The following TNRC18 variants were observed in gnomAD, a reference collection of about 807,000 sequenced individuals.
TNRC18 encodes trinucleotide repeat-containing gene 18 protein.
A neutral mutation model predicts 226.7 loss-of-function variants in TNRC18; 69 were observed. The ratio of observed to expected loss-of-function variants is 0.30; its 90% CI spans 0.25 to 0.37. The LOEUF (loss-of-function observed/expected upper bound fraction) is 0.37, where lower values mean the gene tolerates loss of function less well. Among genes scored for constraint, TNRC18 ranks in the 10% least tolerant of loss-of-function variants. The pLI, the probability that TNRC18 is intolerant of heterozygous loss-of-function variation, is 1.00. For synonymous variants in TNRC18, 2,449 were observed against 1,927.6 expected (o/e 1.27, Z -7.09); for missense variants, 4,754 against 4,256.6 (o/e 1.12, Z -3.25).
rs754143983 is a variant in TNRC18 at position 5,389,461 on chromosome 7, G to GTTTTTTTTT, written c.488-134_488-126dup. 1.5e-4 allele frequency: 85 copies of GTTTTTTTTT among 565,540 alleles called. 2 individuals are homozygous for GTTTTTTTTT. In the African/African-American group the frequency reaches 1.8e-3, roughly 12 times the overall value. 35.0% of individuals were successfully genotyped at this position (565,540 alleles called of 1,614,324 possible). ...TGCCTCCCCCAGTGTTTTGGTTTTG[G>GTTTTTTTTT]TTTTTTTTTTCAGAAAGAGTCTCGC... On this transcript the variant is annotated intron_variant, in intron 4 of 29. Transcript: ENST00000430969.
Position 5,371,186 on chromosome 7 carries a change from G to T in TNRC18, c.3408C>A (p.Ser1136=). ...GCAGCGGCTCTGTGATCTTGGAGGG[G>T]GACAAGCGGATGGGCTTGTCTTCGG... ...LSPEDKPIRL[S]PSKITEPLRE... is the part of the protein sequence containing the mutation. The change falls in exon 11 of 30, where the codon TCC becomes TCA. Residue 1136 remains serine (S), a synonymous_variant. Transcript: ENST00000430969. The T allele has an allele frequency of 6.2e-7, 1 of 1,605,454 alleles. No individual in the cohort carries two copies. Among genetic ancestry groups the T allele is most frequent in the South Asian group, 1.1e-5 (1 of 90,684 alleles).
Position 5,377,320 on chromosome 7 carries a change from C to CCCA in TNRC18, c.2461+50_2461+51insTGG. 3.8e-6 allele frequency: 4 copies of CCCA among 1,049,588 alleles called. No individual in the cohort carries two copies. The highest frequency in any genetic ancestry group is 2.6e-5 in the East Asian group (1 of 38,010). 65.0% of individuals were successfully genotyped at this position (1,049,588 alleles called of 1,614,324 possible). On this transcript the variant is annotated intron_variant, in intron 7 of 29. Transcript: ENST00000430969. This position sits in a 1 kb window ranked among gnomAD's most constrained non-coding sequence, Gnocchi z 5.8. ...CTGAGCTCTTGTCCTGCACCCGCCC[C>CCCA]CTCCCACCCCTCCCTCAGAGAAGGG... is the stretch of plus-strand genomic sequence containing the variant.
chr7:5,321,092 T>C lies in TNRC18; in HGVS notation c.6541A>G (p.Thr2181Ala). Residue 2181 changes from threonine to alanine, a missense_variant, in exon 22 of 30, where the codon ACC (threonine) becomes GCC (alanine). Coordinates refer to ENST00000430969, the MANE Select transcript of TNRC18 (RefSeq NM_001080495.3). Reference protein sequence around the residue: ...DKLLYAGHVQTVHSPDIYRVV... With the variant: ...DKLLYAGHVQAVHSPDIYRVV... ...ACTCACATGTCTGGCGAGTGCACGG[T>C]CTGCACGTGCCCGGCGTACAGCAGC... 6.4e-7 allele frequency: 1 copy of C among 1,551,748 alleles called. No individual in the cohort carries two copies. Among genetic ancestry groups the C allele is most frequent in the South Asian group, 1.2e-5 (1 of 84,078 alleles).
intron 26 of TNRC18, among the ~76,000 whole-genome samples, chr7:5,314,189 C>T (rs943127937): frequency 6.6e-6 from 1 of 151,186 alleles, no homozygotes; most frequent in Admixed American, 6.6e-5. Flanking sequence ...CCAGGCTGGT[C>T]TTAAACTCCT....
chr7:5,378,105 T>A, intron 5 of TNRC18, 81 bp from the exon 6 acceptor site: 1 of 1,166,222 alleles, frequency 8.6e-7, no homozygotes, highest in East Asian at 2.5e-5. Context: ...CCCTCACCCC[T>A]CCCTGGGCCC....
chr7:5,339,604 A>G lies in TNRC18; in HGVS notation c.5719+5958T>C, dbSNP rs1486700755. 3.4e-5 allele frequency among the ~76,000 whole-genome samples: 5 copies of G among 148,018 alleles called. No homozygotes were observed. In the South Asian group the frequency reaches 1.1e-3, roughly 32 times the overall value. On this transcript the variant is annotated intron_variant, in intron 18 of 29. Transcript: ENST00000430969. ...TTTTCGACAGAGTGTCGCTCTTGTC[A>G]CCCAGGATGGAGGGCAGTGCAATGG...
chr7:5,404,763 A>AGTGTGTGTGTGTGTGTCT (rs1781352077), intron 2 of TNRC18, among the ~76,000 whole-genome samples: 1 of 147,122 alleles, frequency 6.8e-6, no homozygotes, highest in African/African-American at 2.5e-5. Flanking sequence ...GCACACTTTC[A>AGTGTGTGTGTGTGTGTCT]GTGTGTGTGT....
At chr7:5,316,809 G>C (rs1326967621) in intron 24 of TNRC18, among the ~76,000 whole-genome samples, 1 of 152,180 alleles carries the variant, frequency 6.6e-6, no homozygotes, top group Non-Finnish European at 1.5e-5. Context: ...CCTAGGAGGA[G>C]GTGATACCCA....
chr7:5,321,190 G>A lies in TNRC18; in HGVS notation c.6443C>T (p.Ala2148Val), dbSNP rs1219036645. The change falls in exon 22 of 30, where the codon GCC becomes GTC. Residue 2148 changes from alanine to valine, a missense_variant and splice_region_variant. Coordinates refer to ENST00000430969, the MANE Select transcript of TNRC18 (RefSeq NM_001080495.3). ...CTTGTCGATGATGCAGGAGCGAGGG[G>A]CTGCAGGGGTTGGATCGTGAGGCGA... ...GGAVERPLTP[A>V]PRSCIIDKDE... 2 of 1,541,108 alleles carry A rather than the reference G, an allele frequency of 1.3e-6. No individual in the cohort carries two copies. The highest frequency in any genetic ancestry group is 1.8e-6 in the Non-Finnish European group (2 of 1,140,570).
chr7:5,329,201 G>A (rs1312498046), intron 19 of TNRC18, among the ~76,000 whole-genome samples: 1 of 151,968 alleles, frequency 6.6e-6, no homozygotes, highest in Admixed American at 6.6e-5. Flanking sequence ...TACTCGGGAG[G>A]CTGAGGCAAG....
chr7:5,338,675 T>A (rs1261232403), intron 18 of TNRC18, among the ~76,000 whole-genome samples: 6 of 144,708 alleles, frequency 4.1e-5, no homozygotes, highest in Non-Finnish European at 7.5e-5. Context: ...AATCCCAGCA[T>A]TTTGGGAGGC....
intron 18 of TNRC18, among the ~76,000 whole-genome samples, chr7:5,341,089 T>C (rs972700008): frequency 1.3e-5 from 2 of 151,980 alleles, no homozygotes; most frequent in African/African-American, 4.8e-5. Context: ...TTAAGAATGA[T>C]GCTAAATCTC....
intron 14 of TNRC18, 84 bp downstream of exon 14, chr7:5,361,510 C>G: frequency 2.1e-6 from 3 of 1,408,008 alleles, no homozygotes; most frequent in Non-Finnish European, 2.8e-6. Context: ...TCCCCCAGCA[C>G]CCCGAGGCAG....
intron 5 of TNRC18, 74 bp downstream of exon 5, chr7:5,387,598 C>T (rs938274394): frequency 4.5e-6 from 7 of 1,564,310 alleles, no homozygotes; most frequent in African/African-American, 4.1e-5. Flanking sequence ...GGGAAAGGGC[C>T]CACACTGTAA....
intron 2 of TNRC18, 143 bp downstream of exon 2, chr7:5,420,917 G>C (rs1331790829): frequency 3.8e-6 from 4 of 1,053,134 alleles, no homozygotes; most frequent in Non-Finnish European, 5.8e-6. Context: ...GAGTTTCCCA[G>C]CCCTGGGAGC....
rs1190510466 is a variant in TNRC18 at position 5,332,651 on chromosome 7, G to A, written c.6118C>T (p.Arg2040Cys). The change falls in exon 19 of 30, where the codon CGT becomes TGT. Residue 2040 changes from arginine to cysteine, a missense_variant. By Grantham distance (180) the Arg-to-Cys change is radical (BLOSUM62 -3). Coordinates refer to ENST00000430969, the MANE Select transcript of TNRC18 (RefSeq NM_001080495.3). ...CTGGGGTCCTTCCTGTCCTTTGCAC[G>A]CCCGGCGTCCTTGCGCGGGCTCAGG... Reference protein sequence around the residue: ...GPLSPRKDAGRAKDRKDPRKK... With the variant: ...GPLSPRKDAGCAKDRKDPRKK... 5 of 1,530,584 alleles carry A rather than the reference G, an allele frequency of 3.3e-6. No homozygotes were observed. The highest frequency in any genetic ancestry group is 4.4e-6 in the Non-Finnish European group (5 of 1,141,120). The allele number at this position is 1,530,584 out of a possible 1,614,324, so 94.8% of individuals were successfully genotyped here. A position where few individuals can be genotyped will look rare whatever the true frequency, so the allele number is the denominator to read the frequency against.
intron 19 of TNRC18, among the ~76,000 whole-genome samples, chr7:5,326,321 T>C (rs12532382): frequency 0.23 from 35,335 of 152,026 alleles, 4,355 homozygotes; most frequent in African/African-American, 0.3. Flanking sequence ...GACTGATACA[T>C]ATGAAAGGAG....
rs186655994 is a variant in TNRC18, at chr7:5,371,213, T to G, written c.3381A>C (p.Ser1127=). The G allele has an allele frequency of 2.0e-3, 3,156 of 1,605,230 alleles. 5 individuals carry two copies. Among genetic ancestry groups the G allele is most frequent in the Non-Finnish European group, 2.5e-3 (2,979 of 1,174,096 alleles). ...ACAAGCGGATGGGCTTGTCTTCGGG[T>G]GAGAGTGCCAGGCGCTCGGGCCCAT... The part of the protein sequence containing the change: ...PADGPERLAL[S]PEDKPIRLSP... The change falls in exon 11 of 30, where the codon TCA becomes TCC. Residue 1127 remains serine (S), a synonymous_variant. Transcript: ENST00000430969.
At chr7:5,349,865 C>T (rs1173886709) in intron 17 of TNRC18, among the ~76,000 whole-genome samples, 1 of 152,206 alleles carries the variant, frequency 6.6e-6, no homozygotes, top group Non-Finnish European at 1.5e-5. Context: ...CCTTTCAAGA[C>T]CTGCTCAGTG....
Sources: gnomAD v4.1 joint callset for allele counts (sites outside exome capture counted in the v4.1 genomes callset) on GRCh38, gnomAD v4.1.1 for gene constraint, Gnocchi (gnomAD v3.1) non-coding constraint, MANE v1.5 for transcripts, NCBI Gene and HGNC (gene_info 2026-07-23, HGNC 2026-07-21) for gene names.